The following CC2D2B variants were observed in gnomAD, a reference collection of about 807,000 sequenced individuals.
CC2D2B encodes the protein protein CC2D2B.
Under a neutral mutation model 161.2 loss-of-function variants are expected in CC2D2B, and 128 were observed. The ratio of observed to expected loss-of-function variants is 0.79; its 90% CI spans 0.69 to 0.92. CC2D2B has a LOEUF of 0.92. Among genes scored for constraint, CC2D2B ranks in the 40% least tolerant of loss-of-function variants. The pLI, the probability that CC2D2B is intolerant of heterozygous loss-of-function variation, is 0.00. For missense variants in CC2D2B, 1,173 were observed against 1,375.1 expected (o/e 0.85, Z 2.32); for synonymous variants, 391 against 449.8 (o/e 0.87, Z 1.65).
chr10:95,971,971 G>A (rs1482527435), intron 15 of CC2D2B, 95 bp from the exon 16 acceptor site: 3 of 566,332 alleles, frequency 5.3e-6, no homozygotes, highest in Non-Finnish European at 7.9e-6. Context: ...TTATATTCTG[G>A]TATTTAAAAA....
At chr10:95,976,608 C>A (rs2077323700) in intron 17 of CC2D2B, among the ~76,000 whole-genome samples, 1 of 152,176 alleles carries the variant, frequency 6.6e-6, no homozygotes, top group Non-Finnish European at 1.5e-5. Flanking sequence ...GAGGGCAGGA[C>A]TGACTTGTGG....
At chr10:95,944,983 G>A (rs1039760241) in intron 9 of CC2D2B, among the ~76,000 whole-genome samples, 2 of 152,136 alleles carry the variant, frequency 1.3e-5, no homozygotes, top group African/African-American at 4.8e-5. Flanking sequence ...AGGCCCCTCC[G>A]CTATTGTCAA....
chr10:96,007,432 G>A (rs1488775578), intron 25 of CC2D2B, among the ~76,000 whole-genome samples: 1 of 152,134 alleles, frequency 6.6e-6, no homozygotes, highest in Non-Finnish European at 1.5e-5. Context: ...TGGGACTTAG[G>A]ATGGAAAGAT....
intron 32 of CC2D2B, among the ~76,000 whole-genome samples, chr10:96,022,385 A>C (rs1174331792): frequency 1.3e-5 from 2 of 152,218 alleles, no homozygotes; most frequent in Non-Finnish European, 2.9e-5. Context: ...CAAAGAAGTC[A>C]CTGTCAGTAG....
rs34209550 is a variant in CC2D2B, at chr10:95,945,777, CTTTTT to C, written c.802-4099_802-4095del. Among the ~76,000 whole-genome samples the C allele has an allele frequency of 3.6e-3, 295 of 81,142 alleles. 3 individuals are homozygous for C. The highest frequency in any genetic ancestry group is 0.012 in the African/African-American group (250 of 21,130). The allele number at this position is 81,142 out of a possible 152,430, so 53.2% of individuals were successfully genotyped here. The stretch of plus-strand genomic sequence containing the variant: ...CAAAAGAATTCATTCTAATGTTGGA[CTTTTT>C]TTTTTTTTTTTTTTTTTTTGAGACG... On this transcript the variant is annotated intron_variant, in intron 9 of 34. Transcript: ENST00000646931.
chr10:95,952,556 T>G (rs904713041), intron 10 of CC2D2B: 5 of 151,840 alleles, frequency 3.3e-5, no homozygotes, highest in Admixed American at 6.6e-5. Flanking sequence ...GGCAACTTGG[T>G]TTTTTTTAGA....
chr10:96,032,711 G>C lies in CC2D2B; in HGVS notation c.*703G>C, dbSNP rs575152702. 1.2e-4 allele frequency: 52 copies of C among 450,836 alleles called. No individual in the cohort carries two copies. The highest frequency in any genetic ancestry group is 8.4e-4 in the South Asian group (51 of 60,530). The allele number at this position is 450,836 out of a possible 1,614,324, so 27.9% of individuals were successfully genotyped here. The stretch of plus-strand genomic sequence containing the variant: ...GTTGGCTTCTGGAAGCTTCTCAAAA[G>C]TTTGCACTTTGGATGCTACTGACAT... On this transcript the variant is annotated 3_prime_UTR_variant, in exon 35 of 35. Transcript: ENST00000646931.
rs1298002332 is a variant in CC2D2B at position 96,032,671 on chromosome 10, C to T, written c.*663C>T. The stretch of plus-strand genomic sequence containing the variant: ...GTAAAGAAAAATAAAATAAAATCTA[C>T]CATGTTGGGCTGATGTTGGCTTCTG... On this transcript the variant is annotated 3_prime_UTR_variant, in exon 35 of 35. Coordinates refer to ENST00000646931, the MANE Select transcript of CC2D2B (RefSeq NM_001349008.3). The T allele has an allele frequency of 2.7e-6, 1 of 374,096 alleles. No homozygotes were observed. The highest frequency in any genetic ancestry group is 5.6e-6 in the Non-Finnish European group (1 of 179,240). 23.2% of individuals were successfully genotyped at this position (374,096 alleles called of 1,614,324 possible). A position where few individuals can be genotyped will look rare whatever the true frequency, so the allele number is the denominator to read the frequency against.
chr10:95,936,976 G>A (rs540341274), intron 6 of CC2D2B, among the ~76,000 whole-genome samples: 5 of 152,196 alleles, frequency 3.3e-5, no homozygotes, highest in South Asian at 2.1e-4. Flanking sequence ...GTGGAGATCC[G>A]CCAAATCTTG....
At position 95,983,751 on chromosome 10, in the gene CC2D2B, A is replaced by G; in HGVS notation, c.2228A>G (p.Asn743Ser). The G allele has an allele frequency of 8.1e-7, 1 of 1,231,344 alleles. No individual in the cohort carries two copies. The highest frequency in any genetic ancestry group is 3.1e-4 in the Middle Eastern group (1 of 3,202). 76.3% of individuals were successfully genotyped at this position (1,231,344 alleles called of 1,614,324 possible). Residue 743 changes from asparagine (N) to serine (S), a missense_variant, in exon 19 of 35, where the codon AAT becomes AGT. Asn to Ser is a conservative substitution (Grantham distance 46, BLOSUM62 1). Transcript: ENST00000646931. ...LQLRNAGQLD[N>S]FLLQQMPLHD... Reference sequence around the variant, plus strand: ...CTTAGAAATGCAGGTCAATTAGATAATTTCCTTCTACAGCAAATGCCCCTC... The same window carrying G: ...CTTAGAAATGCAGGTCAATTAGATAGTTTCCTTCTACAGCAAATGCCCCTC...
intron 20 of CC2D2B, among the ~76,000 whole-genome samples, chr10:95,989,346 G>C (rs949123116): frequency 8.5e-5 from 13 of 152,178 alleles, no homozygotes; most frequent in South Asian, 8.3e-4. Context: ...CAAACCACAA[G>C]TGTTCTTCTA....
At chr10:96,025,981 A>G (rs1440680525) in intron 33 of CC2D2B, among the ~76,000 whole-genome samples, 1 of 152,218 alleles carries the variant, frequency 6.6e-6, no homozygotes, top group Non-Finnish European at 1.5e-5. Context: ...CAATAGGGAA[A>G]TGGTTCCCAA....
At position 95,992,624 on chromosome 10, in the gene CC2D2B, G is replaced by C; in HGVS notation, c.2569G>C (p.Asp857His). ...AAAAGTCACAGCGCAGGCGATCTCT[G>C]ACGGAGATATTAAGATTCTTGTCCG... is the stretch of plus-strand genomic sequence containing the variant. ...RKKVTAQAIS[D>H]GDIKILVRIV... is the part of the protein sequence containing the mutation. The change falls in exon 22 of 35, where the codon GAC becomes CAC. Residue 857 changes from aspartate to histidine, a missense_variant. This residue lies in a region of CC2D2B where 598 missense variants were observed against 693.2 expected (regional missense o/e 0.86). Transcript: ENST00000646931. 8.1e-7 allele frequency: 1 copy of C among 1,234,242 alleles called. No homozygotes were observed. The allele number at this position is 1,234,242 out of a possible 1,614,324, so 76.5% of individuals were successfully genotyped here. A position where few individuals can be genotyped will look rare whatever the true frequency, so the allele number is the denominator to read the frequency against.
intron 29 of CC2D2B, among the ~76,000 whole-genome samples, chr10:96,014,598 A>G (rs919987048): frequency 6.6e-6 from 1 of 152,216 alleles, no homozygotes; most frequent in African/African-American, 2.4e-5. Flanking sequence ...ATCCTAGTTC[A>G]AAGACTTAGT....
chr10:95,958,275 T>A (rs1436647723), intron 11 of CC2D2B, among the ~76,000 whole-genome samples: 1 of 152,152 alleles, frequency 6.6e-6, no homozygotes, highest in Admixed American at 6.5e-5. Context: ...GCAGATTTCT[T>A]GAGGCCAGGA....
At chr10:96,011,152 G>A (rs550801483) in intron 26 of CC2D2B, among the ~76,000 whole-genome samples, 47 of 152,352 alleles carry the variant, frequency 3.1e-4, no homozygotes, top group Admixed American at 9.8e-4. Flanking sequence ...ATATCAGGTA[G>A]GACAGTAGAG....
At chr10:95,969,161 A>G (rs2077038529) in intron 15 of CC2D2B, among the ~76,000 whole-genome samples, 1 of 152,172 alleles carries the variant, frequency 6.6e-6, no homozygotes, top group Non-Finnish European at 1.5e-5. Flanking sequence ...GTGCAGCACT[A>G]CTATTCATTG....
intron 22 of CC2D2B, among the ~76,000 whole-genome samples, chr10:95,993,940 GTGTATGTATGTGTATATATATATA>G (rs1377700478): frequency 5.7e-4 from 15 of 26,300 alleles, no homozygotes; most frequent in Admixed American, 8.7e-4. Flanking sequence ...GTGTGTGTGT[GTGTATGTATGTGTATATATATATA>G]TATATATATA....
At chr10:95,955,163 C>G (rs532982783) in intron 10 of CC2D2B, among the ~76,000 whole-genome samples, 107 of 151,994 alleles carry the variant, frequency 7.0e-4, no homozygotes, top group Non-Finnish European at 8.8e-4. Context: ...GTTCAAGATA[C>G]TAGATGTTAT....
Sources: allele counts gnomAD v4.1 joint callset (sites outside exome capture counted in the v4.1 genomes callset), GRCh38; gene constraint gnomAD v4.1.1; regional missense constraint gnomAD v4.1.1; transcripts MANE v1.5; gene names NCBI Gene and HGNC (gene_info 2026-07-23, HGNC 2026-07-21).